The following CMYA5 variants were observed in gnomAD, a reference collection of about 807,000 sequenced individuals.
The protein encoded by CMYA5 is cardiomyopathy associated 5.
In CMYA5, 246 loss-of-function variants were observed where a neutral mutation model predicts 318.9. The observed-to-expected ratio is 0.77, with a 90% CI of 0.70 to 0.86. The LOEUF (loss-of-function observed/expected upper bound fraction) is 0.86, where lower values mean the gene tolerates loss of function less well. Among genes scored for constraint, CMYA5 ranks in the 40% least tolerant of loss-of-function variants. CMYA5 has a pLI of 0.00. For synonymous variants in CMYA5, 1,641 were observed against 1,729.5 expected (o/e 0.95, Z 1.27); for missense variants, 4,589 against 4,678.2 (o/e 0.98, Z 0.56).
intron 1 of CMYA5, among the ~76,000 whole-genome samples, chr5:79,704,894 C>T (rs577896969): frequency 1.3e-5 from 2 of 152,344 alleles, no homozygotes; most frequent in East Asian, 3.9e-4. Context: ...AATAAAAACC[C>T]TCTATTTAAC....
intron 12 of CMYA5, among the ~76,000 whole-genome samples, chr5:79,794,184 G>A (rs536058358): frequency 1.3e-5 from 2 of 152,278 alleles, no homozygotes; most frequent in East Asian, 1.9e-4. Context: ...CATAGAACCC[G>A]CTGCCTGTCT....
intron 1 of CMYA5, among the ~76,000 whole-genome samples, chr5:79,723,366 G>C (rs1008366121): frequency 2.0e-5 from 3 of 150,962 alleles, no homozygotes; most frequent in African/African-American, 7.3e-5. Flanking sequence ...TTGAACTCTG[G>C]AGGCAGAGAT....
At chr5:79,767,700 G>C (rs1828780616) in intron 9 of CMYA5, among the ~76,000 whole-genome samples, 1 of 152,148 alleles carries the variant, frequency 6.6e-6, no homozygotes, top group Non-Finnish European at 1.5e-5. Flanking sequence ...TTTTATATTT[G>C]CTGAGGAGTG....
intron 2 of CMYA5, among the ~76,000 whole-genome samples, chr5:79,740,208 A>G (rs1459684442): frequency 6.6e-6 from 1 of 152,184 alleles, no homozygotes; most frequent in African/African-American, 2.4e-5. Flanking sequence ...ATCTGCTGAC[A>G]TCCTGAAACC....
At position 79,730,631 on chromosome 5, in the gene CMYA5, A is replaced by C; in HGVS notation, c.1866A>C (p.Glu622Asp). 6.2e-7 allele frequency: 1 copy of C among 1,614,026 alleles called. No individual in the cohort carries two copies. Among genetic ancestry groups the C allele is most frequent in the Non-Finnish European group, 8.5e-7 (1 of 1,179,878 alleles). The change falls in exon 2 of 13, where the codon GAA (glutamate) becomes GAC (aspartate). Residue 622 changes from glutamate to aspartate, a missense_variant. By Grantham distance (45) the Glu-to-Asp change is conservative. This residue lies in a region of CMYA5 where 2,132 missense variants were observed against 2,131.3 expected (regional missense o/e 1.00). Coordinates refer to ENST00000446378, the MANE Select transcript of CMYA5 (RefSeq NM_153610.5). Reference sequence around the variant, plus strand: ...AGCCAGTTCCCCCATCCAATGTAGAAGCTATAGCTGAACATGCAGTTTTGT... The same window carrying C: ...AGCCAGTTCCCCCATCCAATGTAGACGCTATAGCTGAACATGCAGTTTTGT... ...EGEPVPPSNV[E>D]AIAEHAVLSE...
intron 6 of CMYA5, among the ~76,000 whole-genome samples, chr5:79,756,546 A>G (rs1254240966): frequency 6.6e-6 from 1 of 152,160 alleles, no homozygotes; most frequent in African/African-American, 2.4e-5. Flanking sequence ...GGCTGAGATA[A>G]CAGAGGGGAT....
At chr5:79,778,970 A>T (rs1829002333) in intron 9 of CMYA5, among the ~76,000 whole-genome samples, 1 of 108,914 alleles carries the variant, frequency 9.2e-6, no homozygotes, top group Non-Finnish European at 1.8e-5. Context: ...TGTGCAGGTT[A>T]GTTACATATG....
chr5:79,784,852 AT>A (rs1829053503), intron 9 of CMYA5, among the ~76,000 whole-genome samples: 1 of 151,030 alleles, frequency 6.6e-6, no homozygotes, highest in African/African-American at 2.4e-5. Flanking sequence ...GGTACCTCAG[AT>A]GGAAATGCAG....
chr5:79,792,493 A>G (rs141344009), intron 11 of CMYA5, among the ~76,000 whole-genome samples: 4 of 152,340 alleles, frequency 2.6e-5, no homozygotes, highest in African/African-American at 9.6e-5. Context: ...CCTGAAAATC[A>G]GGTCATAAAT....
chr5:79,755,950 A>G (rs1828519349), intron 6 of CMYA5, among the ~76,000 whole-genome samples: 2 of 152,208 alleles, frequency 1.3e-5, no homozygotes, highest in African/African-American at 4.8e-5. Context: ...AGATGTTTTC[A>G]TTTTTAAAAA....
rs758095351 is a variant in CMYA5, at chr5:79,730,627, T to C, written c.1862T>C (p.Val621Ala). 1.9e-6 allele frequency: 3 copies of C among 1,613,884 alleles called. No homozygotes were observed. The highest frequency in any genetic ancestry group is 4.5e-5 in the East Asian group (2 of 44,900). ...GGTGAGCCAGTTCCCCCATCCAATG[T>C]AGAAGCTATAGCTGAACATGCAGTT... ...QEGEPVPPSN[V>A]EAIAEHAVLS... The change falls in exon 2 of 13, where the codon GTA (valine) becomes GCA (alanine). Residue 621 changes from valine (V) to alanine (A), a missense_variant. Physicochemically the swap from Val to Ala is moderately conservative, Grantham distance 64. This residue lies in a region of CMYA5 where 2,132 missense variants were observed against 2,131.3 expected (regional missense o/e 1.00). Coordinates refer to ENST00000446378, the MANE Select transcript of CMYA5 (RefSeq NM_153610.5).
intron 1 of CMYA5, among the ~76,000 whole-genome samples, chr5:79,692,107 TGTAA>T (rs1300354032): frequency 6.6e-6 from 1 of 152,090 alleles, no homozygotes; most frequent in Non-Finnish European, 1.5e-5. Flanking sequence ...GAGAATAGAT[TGTAA>T]GTGTTTCTTA....
At chr5:79,727,777 A>C (rs372573588) in intron 1 of CMYA5, among the ~76,000 whole-genome samples, 3 of 152,312 alleles carry the variant, frequency 2.0e-5, no homozygotes, top group East Asian at 1.9e-4. Context: ...GAGGTAGAAG[A>C]CAATTTCAGA....
chr5:79,749,075 G>A (rs573867893), intron 5 of CMYA5, among the ~76,000 whole-genome samples: 3 of 151,930 alleles, frequency 2.0e-5, no homozygotes, highest in East Asian at 1.9e-4. Flanking sequence ...CTCTTTCTTC[G>A]GTTTTGTGCT....
At chr5:79,789,719 C>T (rs112476309) in intron 10 of CMYA5, among the ~76,000 whole-genome samples, 3,816 of 152,268 alleles carry the variant, frequency 0.025, 162 homozygotes, top group African/African-American at 0.086. Flanking sequence ...GCCACCATGC[C>T]TGGCCTCTCC....
chr5:79,732,063 T>A lies in CMYA5; in HGVS notation c.3298T>A (p.Ser1100Thr). The A allele has an allele frequency of 6.2e-7, 1 of 1,613,870 alleles. No individual in the cohort carries two copies. Among genetic ancestry groups the A allele is most frequent in the Non-Finnish European group, 8.5e-7 (1 of 1,179,850 alleles). ...AEIKPEIPTT[S>T]TSVSEYLILA... ...AATTAAGCCAGAGATTCCAACAACC[T>A]CAACATCTGTATCTGAATATCTCAT... The change falls in exon 2 of 13, where the codon TCA becomes ACA. Residue 1100 changes from serine to threonine, a missense_variant. Ser to Thr is a moderately conservative substitution (Grantham distance 58). Coordinates refer to ENST00000446378, the MANE Select transcript of CMYA5 (RefSeq NM_153610.5).
At chr5:79,702,456 A>G (rs1827191587) in intron 1 of CMYA5, among the ~76,000 whole-genome samples, 1 of 152,206 alleles carries the variant, frequency 6.6e-6, no homozygotes, top group Non-Finnish European at 1.5e-5. Context: ...CTGATACATG[A>G]ATGGACCCTG....
At chr5:79,721,494 T>C (rs1261118100) in intron 1 of CMYA5, among the ~76,000 whole-genome samples, 1 of 152,206 alleles carries the variant, frequency 6.6e-6, no homozygotes, top group Non-Finnish European at 1.5e-5. Context: ...GAGAGCTCTA[T>C]TTAAATGGTC....
chr5:79,773,137 C>G (rs1828884387), intron 9 of CMYA5, among the ~76,000 whole-genome samples: 1 of 152,184 alleles, frequency 6.6e-6, no homozygotes, highest in South Asian at 2.1e-4. Flanking sequence ...TTTGTTGGTT[C>G]CATGAAGGGA....
Sources: gnomAD v4.1 joint callset for allele counts (sites outside exome capture counted in the v4.1 genomes callset) on GRCh38, gnomAD v4.1.1 for gene constraint, gnomAD v4.1.1 regional missense constraint, MANE v1.5 for transcripts, NCBI Gene and HGNC (gene_info 2026-07-23, HGNC 2026-07-21) for gene names.